JMJD1C: variants seen among roughly 807,000 people sequenced by gnomAD.
JMJD1C encodes the protein jumonji domain-containing protein 1C.
Under a neutral mutation model 245.3 loss-of-function variants are expected in JMJD1C, and 31 were observed. The observed-to-expected ratio is 0.13, with a 90% CI of 0.09 to 0.17. The LOEUF (loss-of-function observed/expected upper bound fraction) is 0.17, where lower values mean the gene tolerates loss of function less well. Ranked by LOEUF, JMJD1C falls within the 10% of genes least tolerant of loss-of-function variation. The pLI, the probability that JMJD1C is intolerant of heterozygous loss-of-function variation, is 1.00. For missense variants in JMJD1C, 2,691 were observed against 3,000.2 expected (o/e 0.90, Z 2.41); for synonymous variants, 1,057 against 1,017.4 (o/e 1.04, Z -0.74).
At chr10:63,183,129 G>C (rs1440658283) in intron 22 of JMJD1C, among the ~76,000 whole-genome samples, 2 of 152,190 alleles carry the variant, frequency 1.3e-5, no homozygotes, top group Non-Finnish European at 2.9e-5. Context: ...CCAAAGTACT[G>C]AGATTACAGG....
At chr10:63,432,010 G>GAAAAGA (rs1203118070) in intron 1 of JMJD1C, among the ~76,000 whole-genome samples, 2 of 152,088 alleles carry the variant, frequency 1.3e-5, no homozygotes, top group Non-Finnish European at 2.9e-5. Context: ...GACTCCGTCT[G>GAAAAGA]AAAAGAAAAA....
At chr10:63,298,106 T>TA (rs1346678951) in intron 2 of JMJD1C, among the ~76,000 whole-genome samples, 1 of 152,186 alleles carries the variant, frequency 6.6e-6, no homozygotes, top group Non-Finnish European at 1.5e-5. Flanking sequence ...TGCCCCACTA[T>TA]AGCAGCCAGT....
intron 2 of JMJD1C, among the ~76,000 whole-genome samples, chr10:63,281,608 C>T (rs1365348405): frequency 6.6e-6 from 1 of 150,948 alleles, no homozygotes; most frequent in African/African-American, 2.4e-5. Context: ...GTAGCATGGA[C>T]AATAGGTGCA....
intron 1 of JMJD1C, among the ~76,000 whole-genome samples, chr10:63,420,696 C>G (rs1019294417): frequency 7.4e-5 from 5 of 67,578 alleles, no homozygotes; most frequent in Non-Finnish European, 1.3e-4. Flanking sequence ...GCCTGGGTAA[C>G]AAAACGAGAC....
At chr10:63,319,067 T>C (rs1021173746) in intron 2 of JMJD1C, among the ~76,000 whole-genome samples, 2 of 152,054 alleles carry the variant, frequency 1.3e-5, no homozygotes, top group African/African-American at 4.8e-5. Context: ...GACACCATCC[T>C]GACTAACATG....
intron 23 of JMJD1C, 123 bp downstream of exon 23, chr10:63,177,594 C>A: frequency 1.0e-6 from 1 of 963,970 alleles, no homozygotes; most frequent in East Asian, 2.6e-5. Flanking sequence ...CAAAAACTCC[C>A]ATCTACTTTG....
intron 2 of JMJD1C, chr10:63,269,271 A>G (rs888578993): frequency 8.9e-6 from 8 of 902,808 alleles, no homozygotes; most frequent in Admixed American, 6.2e-5. Flanking sequence ...GGTGCTCTGT[A>G]AACTGTAACT....
At chr10:63,520,349 A>G (rs1473679621) in intron 1 of JMJD1C, among the ~76,000 whole-genome samples, 1 of 152,194 alleles carries the variant, frequency 6.6e-6, no homozygotes, top group Non-Finnish European at 1.5e-5. Context: ...AAAAGCCATC[A>G]TATTTTCTAG....
chr10:63,432,317 C>T (rs146319118), intron 1 of JMJD1C, among the ~76,000 whole-genome samples: 1 of 152,348 alleles, frequency 6.6e-6, no homozygotes, highest in Non-Finnish European at 1.5e-5. Flanking sequence ...TTTGGGGAGG[C>T]ACTGCCTTTG....
At chr10:63,403,180 T>G (rs1948966031) in intron 1 of JMJD1C, among the ~76,000 whole-genome samples, 1 of 152,214 alleles carries the variant, frequency 6.6e-6, no homozygotes, top group South Asian at 2.1e-4. Context: ...AGCCAAGGGA[T>G]GCCCAAAGCT....
Position 63,208,267 on chromosome 10 carries a change from T to C in JMJD1C, c.3402A>G (p.Gln1134=), listed in dbSNP as rs2133159675. ...NALAAAAANP[Q]TLTSFITSLS... The stretch of plus-strand genomic sequence containing the variant: ...GAGATGTTATAAATGAAGTCAGAGT[T>C]TGAGGATTAGCTGCTGCCGCTGCAA... Residue 1134 remains glutamine, a synonymous_variant, in exon 10 of 26, where the codon CAA becomes CAG. Transcript: ENST00000399262. 1 of 1,614,086 alleles carries C rather than the reference T, an allele frequency of 6.2e-7. No individual in the cohort carries two copies. The highest frequency in any genetic ancestry group is 8.5e-7 in the Non-Finnish European group (1 of 1,179,986).
chr10:63,309,693 C>T (rs1274088133), intron 2 of JMJD1C, among the ~76,000 whole-genome samples: 7 of 151,570 alleles, frequency 4.6e-5, no homozygotes, highest in East Asian at 3.9e-4. Context: ...CCAAGGCGAG[C>T]GGATCACGAG....
intron 2 of JMJD1C, among the ~76,000 whole-genome samples, chr10:63,347,603 GAAAAGA>G (rs1183695262): frequency 6.8e-6 from 1 of 147,938 alleles, no homozygotes; most frequent in African/African-American, 2.5e-5. Context: ...AAAAAAGAAA[GAAAAGA>G]AAAAGAAAAA....
Position 63,336,226 on chromosome 10 carries a change from G to A in JMJD1C, c.333+44092C>T, listed in dbSNP as rs562223053. The stretch of plus-strand genomic sequence containing the variant: ...TGTAATCTCAGCACTTTGGGAGGCC[G>A]AAGGCAGGAGGATCACCTGAGGTCA... On this transcript the variant is annotated intron_variant, in intron 2 of 25. Coordinates refer to ENST00000399262, the MANE Select transcript of JMJD1C (RefSeq NM_032776.3). Among the ~76,000 whole-genome samples, 63 of 150,888 alleles carry A rather than the reference G, an allele frequency of 4.2e-4. 1 individual carries two copies. The highest frequency in any genetic ancestry group is 1.4e-3 in the African/African-American group (59 of 41,020).
intron 1 of JMJD1C, among the ~76,000 whole-genome samples, chr10:63,413,349 T>A (rs1949598822): frequency 6.6e-6 from 1 of 152,160 alleles, no homozygotes; most frequent in Admixed American, 6.5e-5. Context: ...CTTAAATATA[T>A]GGTATTCATG....
intron 24 of JMJD1C, among the ~76,000 whole-genome samples, chr10:63,172,192 G>A (rs889965385): frequency 6.6e-6 from 1 of 152,152 alleles, no homozygotes; most frequent in Non-Finnish European, 1.5e-5. Context: ...CTGCCTTGGT[G>A]TATTTAGATA....
intron 1 of JMJD1C, among the ~76,000 whole-genome samples, chr10:63,500,794 T>TGGATGGATGGATGGAC (rs773454321): frequency 1.5e-5 from 2 of 134,252 alleles, no homozygotes; most frequent in East Asian, 4.8e-4. Context: ...GATGGATGGA[T>TGGATGGATGGATGGAC]GCACGGATGC....
intron 3 of JMJD1C, among the ~76,000 whole-genome samples, chr10:63,248,733 C>T (rs893259802): frequency 6.6e-6 from 1 of 151,942 alleles, no homozygotes; most frequent in Non-Finnish European, 1.5e-5. Flanking sequence ...GGATATACAT[C>T]CAAAAGAAAT....
intron 3 of JMJD1C, among the ~76,000 whole-genome samples, chr10:63,248,565 A>G (rs1488230612): frequency 1.3e-5 from 2 of 151,408 alleles, no homozygotes; most frequent in Non-Finnish European, 2.9e-5. Flanking sequence ...TAAATAAATA[A>G]ATGACAGGGA....
Sources: gnomAD v4.1 joint callset for allele counts (sites outside exome capture counted in the v4.1 genomes callset) on GRCh38, gnomAD v4.1.1 for gene constraint, MANE v1.5 for transcripts, NCBI Gene and HGNC (gene_info 2026-07-23, HGNC 2026-07-21) for gene names.